The following CCDC85C variants were observed in gnomAD, a reference collection of about 807,000 sequenced individuals.
CCDC85C encodes the protein coiled-coil domain-containing protein 85C.
CCDC85C carries 18 observed loss-of-function variants against 38.3 expected under a neutral mutation model. The observed-to-expected ratio is 0.47, with a 90% CI of 0.33 to 0.70. The LOEUF (loss-of-function observed/expected upper bound fraction) is 0.70, where lower values mean the gene tolerates loss of function less well. CCDC85C is among the 30% of genes least tolerant of loss of function. CCDC85C has a pLI of 0.03. For synonymous variants in CCDC85C, 264 were observed against 293.8 expected (o/e 0.90, Z 1.04); for missense variants, 566 against 621.2 (o/e 0.91, Z 0.94).
At chr14:99,590,213 C>T (rs992263035) in intron 1 of CCDC85C, among the ~76,000 whole-genome samples, 1 of 151,972 alleles carries the variant, frequency 6.6e-6, no homozygotes, top group Non-Finnish European at 1.5e-5. Context: ...CTCCTGGGGT[C>T]CTCCAAACTC....
rs913154657 is a variant in CCDC85C, at chr14:99,505,804, C to G, written c.*9442G>C. The G allele has an allele frequency of 1.3e-5, 2 of 152,222 alleles. No individual in the cohort carries two copies. The highest frequency in any genetic ancestry group is 6.5e-5 in the Admixed American group (1 of 15,284). The allele number at this position is 152,222 out of a possible 1,614,324, so 9.4% of individuals were successfully genotyped here. ...CCTGGTTGGTTGAAGCTGCAGTGAGCCATGATTACATTACTACACTCCAGC... is the reference window on the plus strand; with the variant it reads ...CCTGGTTGGTTGAAGCTGCAGTGAGGCATGATTACATTACTACACTCCAGC... On this transcript the variant is annotated 3_prime_UTR_variant, in exon 6 of 6. Coordinates refer to ENST00000380243, the MANE Select transcript of CCDC85C (RefSeq NM_001144995.2).
intron 1 of CCDC85C, among the ~76,000 whole-genome samples, chr14:99,587,984 G>A (rs2139983434): frequency 6.6e-6 from 1 of 152,266 alleles, no homozygotes; most frequent in South Asian, 2.1e-4. Flanking sequence ...CTCCAGTCCA[G>A]TGCCCTCTGG....
Position 99,510,308 on chromosome 14 carries a change from A to AC in CCDC85C, c.*4937dup. On this transcript the variant is annotated 3_prime_UTR_variant, in exon 6 of 6. Transcript: ENST00000380243. ...CGCTGCCACACCGGCCCCCGCCCCCACCCCCCTCCAGCTACATGACCGGGA... is the reference window on the plus strand; with the variant it reads ...CGCTGCCACACCGGCCCCCGCCCCCACCCCCCCTCCAGCTACATGACCGGGA... 1 of 343,306 alleles carries AC rather than the reference A, an allele frequency of 2.9e-6. No individual in the cohort carries two copies. Among genetic ancestry groups the AC allele is most frequent in the South Asian group, 2.7e-5 (1 of 37,482 alleles). 21.3% of individuals were successfully genotyped at this position (343,306 alleles called of 1,614,324 possible). A position where few individuals can be genotyped will look rare whatever the true frequency, so the allele number is the denominator to read the frequency against.
intron 3 of CCDC85C, 58 bp from the exon 4 acceptor site, chr14:99,517,241 G>A (rs375120241): frequency 5.9e-6 from 8 of 1,348,186 alleles, no homozygotes; most frequent in Middle Eastern, 2.5e-4. Context: ...AGGAATGACC[G>A]GTGGCTCAGA....
At chr14:99,599,109 GA>G (rs1206201553) in intron 1 of CCDC85C, among the ~76,000 whole-genome samples, 1 of 152,138 alleles carries the variant, frequency 6.6e-6, no homozygotes, top group Non-Finnish European at 1.5e-5. Context: ...CTGCTGCACA[GA>G]AAAGACCTAT....
chr14:99,519,335 T>C (rs1448116823), intron 3 of CCDC85C, among the ~76,000 whole-genome samples: 1 of 150,376 alleles, frequency 6.6e-6, no homozygotes, highest in Non-Finnish European at 1.5e-5. Context: ...CAGGCTGGTC[T>C]TGAACTCCTG....
At chr14:99,555,348 G>T (rs947120969) in intron 1 of CCDC85C, among the ~76,000 whole-genome samples, 8 of 152,206 alleles carry the variant, frequency 5.3e-5, no homozygotes, top group African/African-American at 1.9e-4. Context: ...GGACTCTAGG[G>T]TGTCCGCCGG....
At chr14:99,529,683 C>G (rs151287709) in intron 2 of CCDC85C, among the ~76,000 whole-genome samples, 4 of 152,248 alleles carry the variant, frequency 2.6e-5, no homozygotes, top group Admixed American at 2.6e-4. Flanking sequence ...GGATTACAGG[C>G]GTGAGCCACT....
chr14:99,529,982 G>A (rs377482652), intron 2 of CCDC85C, among the ~76,000 whole-genome samples: 1 of 152,352 alleles, frequency 6.6e-6, no homozygotes, highest in African/African-American at 2.4e-5. Flanking sequence ...TGCAGAGGGG[G>A]AAACTGAGGT....
chr14:99,514,543 C>T lies in CCDC85C; in HGVS notation c.*703G>A, dbSNP rs1897189621. On this transcript the variant is annotated 3_prime_UTR_variant, in exon 6 of 6. Coordinates refer to ENST00000380243, the MANE Select transcript of CCDC85C (RefSeq NM_001144995.2). Reference sequence around the variant, plus strand: ...GAGCCCAAGAAGGGCATAGCCTGGACAGGGTGGCAGGGGGACATTGCAGAG... The same window carrying T: ...GAGCCCAAGAAGGGCATAGCCTGGATAGGGTGGCAGGGGGACATTGCAGAG... The T allele has an allele frequency of 1.3e-5, 2 of 152,016 alleles. No individual in the cohort carries two copies. Among genetic ancestry groups the T allele is most frequent in the Non-Finnish European group, 2.9e-5 (2 of 68,156 alleles). 9.4% of individuals were successfully genotyped at this position (152,016 alleles called of 1,614,324 possible).
At chr14:99,559,449 C>T (rs1898073794) in intron 1 of CCDC85C, among the ~76,000 whole-genome samples, 1 of 151,818 alleles carries the variant, frequency 6.6e-6, no homozygotes, top group African/African-American at 2.4e-5. Flanking sequence ...AACATGACAT[C>T]ACTGACGAGA....
intron 1 of CCDC85C, among the ~76,000 whole-genome samples, chr14:99,594,312 C>G (rs945482509): frequency 6.6e-6 from 1 of 152,224 alleles, no homozygotes; most frequent in African/African-American, 2.4e-5. Context: ...GCACTAAACC[C>G]CTTACTGAGT....
intron 1 of CCDC85C, among the ~76,000 whole-genome samples, chr14:99,598,607 C>T (rs907724312): frequency 2.6e-5 from 4 of 152,298 alleles, no homozygotes; most frequent in Admixed American, 6.5e-5. Flanking sequence ...GGAGGAGGTG[C>T]CCTGTCTCTG....
intron 1 of CCDC85C, among the ~76,000 whole-genome samples, chr14:99,566,402 G>C (rs557468379): frequency 1.3e-5 from 2 of 152,322 alleles, no homozygotes; most frequent in East Asian, 1.9e-4. Flanking sequence ...GTTCCTGGTA[G>C]CCTAAGATTT....
At chr14:99,565,981 T>C (rs989121826) in intron 1 of CCDC85C, among the ~76,000 whole-genome samples, 1 of 152,168 alleles carries the variant, frequency 6.6e-6, no homozygotes, top group Admixed American at 6.5e-5. Flanking sequence ...AGAGGCACAA[T>C]GAGCTGTCGT....
At chr14:99,537,015 C>G (rs1897615992) in intron 1 of CCDC85C, among the ~76,000 whole-genome samples, 1 of 152,090 alleles carries the variant, frequency 6.6e-6, no homozygotes, top group Non-Finnish European at 1.5e-5. Flanking sequence ...GGCCGGGGGA[C>G]CACCCAGCAA....
In CCDC85C at chr14:99,501,500, T is replaced by C; in HGVS notation, c.*13746A>G. 5 of 952,204 alleles carry C rather than the reference T, an allele frequency of 5.3e-6. No homozygotes were observed. Among genetic ancestry groups the C allele is most frequent in the Admixed American group, 1.9e-5 (1 of 51,884 alleles). 59.0% of individuals were successfully genotyped at this position (952,204 alleles called of 1,614,324 possible). A position where few individuals can be genotyped will look rare whatever the true frequency, so the allele number is the denominator to read the frequency against. On this transcript the variant is annotated 3_prime_UTR_variant, in exon 6 of 6. Transcript: ENST00000380243. Reference sequence around the variant, plus strand: ...CATTTCATCTAAACCCCTCATTTTGTGTCAGAAGAAACTGACTTGCCCTGG... The same window carrying C: ...CATTTCATCTAAACCCCTCATTTTGCGTCAGAAGAAACTGACTTGCCCTGG...
Position 99,575,477 on chromosome 14 carries a change from G to A in CCDC85C, c.793+27690C>T, listed in dbSNP as rs376081332. Among the ~76,000 whole-genome samples, 11 of 152,336 alleles carry A rather than the reference G, an allele frequency of 7.2e-5. No individual in the cohort carries two copies. The South Asian group carries it at 2.1e-3, about 29-fold the overall frequency. Reference sequence around the variant, plus strand: ...CCAGAAAGACCTGCTGAGAAAGGGAGAAAACTCTCTCAAGAGCTCAAAGCA... The same window carrying A: ...CCAGAAAGACCTGCTGAGAAAGGGAAAAAACTCTCTCAAGAGCTCAAAGCA... On this transcript the variant is annotated intron_variant, in intron 1 of 5. Transcript: ENST00000380243.
At position 99,603,756 on chromosome 14, in the gene CCDC85C, G is replaced by A. The variant is rs2055237968; in HGVS notation, c.204C>T (p.Arg68=). Residue 68 remains arginine, a synonymous_variant, in exon 1 of 6, where the codon CGC becomes CGT. Transcript: ENST00000380243. The surrounding 1 kb of genome is among the most constrained non-coding windows in gnomAD (Gnocchi z 7.5). The part of the protein sequence containing the change: ...RRLQQHLLEI[R]GLKDVNQRLQ... ...GCCGCTGGTTCACGTCCTTGAGGCC[G>A]CGGATCTCCAGCAGGTGCTGCTGCA... 2.0e-6 allele frequency: 3 copies of A among 1,524,256 alleles called. No individual in the cohort carries two copies. Among genetic ancestry groups the A allele is most frequent in the Non-Finnish European group, 2.6e-6 (3 of 1,141,828 alleles). The allele number at this position is 1,524,256 out of a possible 1,614,324, so 94.4% of individuals were successfully genotyped here.
Sources: allele counts gnomAD v4.1 joint callset (sites outside exome capture counted in the v4.1 genomes callset), GRCh38; gene constraint gnomAD v4.1.1; non-coding constraint Gnocchi (gnomAD v3.1); transcripts MANE v1.5; gene names NCBI Gene and HGNC (gene_info 2026-07-23, HGNC 2026-07-21).